Variants in LPP observed in about 807,000 individuals in gnomAD.
The protein encoded by LPP is LIM domain containing preferred translocation partner in lipoma.
In LPP, 38 loss-of-function variants were observed where a neutral mutation model predicts 60.4. The observed-to-expected ratio is 0.63, with a 90% confidence interval of 0.49 to 0.83. LPP has a LOEUF of 0.83. Among genes scored for constraint, LPP ranks in the 40% least tolerant of loss-of-function variants. The pLI is 0.00. For synonymous variants in LPP, 328 were observed against 290.8 expected (o/e 1.13, Z -1.30); for missense variants, 902 against 783.6 (o/e 1.15, Z -1.80).
rs1046518086 is a variant in LPP at position 188,217,980 on chromosome 3, C to A, written c.-189-7425C>A. On this transcript the variant is annotated intron_variant, in intron 1 of 11. Coordinates refer to ENST00000617246, the MANE Select transcript of LPP (RefSeq NM_001375462.1). This position sits in a 1 kb window ranked among gnomAD's most constrained non-coding sequence, Gnocchi z 4.0. ...ATTCTTTCCCACCAAGAATGAGGAA[C>A]GTTCAGAGTGATGCTGACTTTATGG... 6.6e-6 allele frequency among the ~76,000 whole-genome samples: 1 copy of A among 152,154 alleles called. No individual in the cohort carries two copies. Among genetic ancestry groups the A allele is most frequent in the African/African-American group, 2.4e-5 (1 of 41,430 alleles).
chr3:188,687,238 A>G (rs1212746784), intron 7 of LPP, among the ~76,000 whole-genome samples: 1 of 152,162 alleles, frequency 6.6e-6, no homozygotes, highest in African/African-American at 2.4e-5. Flanking sequence ...ATGGAGGCAG[A>G]TTTCCTCTCT....
chr3:188,792,027 A>G (rs1259827524), intron 9 of LPP, among the ~76,000 whole-genome samples: 1 of 152,108 alleles, frequency 6.6e-6, no homozygotes, highest in Non-Finnish European at 1.5e-5. Context: ...ACAGACCCTA[A>G]GGTCTTCTGA....
rs550720368 is a variant in LPP, at chr3:188,324,904, CT to C, written c.-66-16758del. ...CAACCCCATAGAAATCAAGGAGCAT[CT>C]GTAGAAATGTTTGAAAGGCCCTTTC... On this transcript the variant is annotated intron_variant, in intron 2 of 11. Transcript: ENST00000617246. Among the ~76,000 whole-genome samples the C allele has an allele frequency of 1.9e-3, 288 of 152,284 alleles. 4 individuals are homozygous for C. Among genetic ancestry groups the C allele is most frequent in the African/African-American group, 6.6e-3 (275 of 41,556 alleles).
chr3:188,862,898 C>G lies in LPP; in HGVS notation c.1411-3302C>G, dbSNP rs1578039561. On this transcript the variant is annotated intron_variant, in intron 9 of 11. Transcript: ENST00000617246. Reference sequence around the variant, plus strand: ...TTTCAAAACCGATTTATTTGTCAACCATTTCATGTCATGGGTTCAGATGAA... The same window carrying G: ...TTTCAAAACCGATTTATTTGTCAACGATTTCATGTCATGGGTTCAGATGAA... Among the ~76,000 whole-genome samples, 6 of 151,924 alleles carry G rather than the reference C, an allele frequency of 3.9e-5. 2 individuals are homozygous for G. In the Middle Eastern group the frequency reaches 0.017, roughly 431 times the overall value.
At chr3:188,758,474 T>C (rs1731098277) in intron 8 of LPP, among the ~76,000 whole-genome samples, 1 of 152,206 alleles carries the variant, frequency 6.6e-6, no homozygotes, top group Non-Finnish European at 1.5e-5. Context: ...ATATTTCTTA[T>C]TCCTTAGGAA....
chr3:188,275,749 C>G (rs917029631), intron 2 of LPP, among the ~76,000 whole-genome samples: 62 of 152,196 alleles, frequency 4.1e-4, no homozygotes, highest in African/African-American at 1.4e-3. Flanking sequence ...CATCTCGGCT[C>G]ACTGCAACCT....
intron 1 of LPP, among the ~76,000 whole-genome samples, chr3:188,194,542 T>G (rs1007480661): frequency 6.6e-6 from 1 of 152,220 alleles, no homozygotes; most frequent in Non-Finnish European, 1.5e-5. Context: ...CTCAGTGCGA[T>G]GACTCAGGGA....
At chr3:188,459,113 G>T (rs1798412478) in intron 4 of LPP, among the ~76,000 whole-genome samples, 3 of 152,000 alleles carry the variant, frequency 2.0e-5, no homozygotes, top group Admixed American at 6.6e-5. Context: ...GAAGAGTTGT[G>T]GTTTTAATTT....
intron 2 of LPP, among the ~76,000 whole-genome samples, chr3:188,262,626 C>G (rs1577665368): frequency 6.6e-6 from 1 of 151,918 alleles, no homozygotes; most frequent in Non-Finnish European, 1.5e-5. Flanking sequence ...TCATCTCTCT[C>G]TCTCTCTTGT....
intron 3 of LPP, among the ~76,000 whole-genome samples, chr3:188,373,718 C>A (rs1288710565): frequency 6.6e-6 from 1 of 152,116 alleles, no homozygotes; most frequent in African/African-American, 2.4e-5. Flanking sequence ...TTATTTAGAT[C>A]CCATTTGTCA....
At chr3:188,481,206 G>A (rs1304931271) in intron 4 of LPP, among the ~76,000 whole-genome samples, 1 of 152,052 alleles carries the variant, frequency 6.6e-6, no homozygotes, top group Admixed American at 6.5e-5. Context: ...CTCTCCAAGG[G>A]AACCATTTCC....
At chr3:188,581,778 C>T (rs1378046247) in intron 6 of LPP, among the ~76,000 whole-genome samples, 1 of 152,184 alleles carries the variant, frequency 6.6e-6, no homozygotes, top group Non-Finnish European at 1.5e-5. Context: ...ACCCCTCATT[C>T]TTCCAGCACT....
chr3:188,334,070 A>G (rs150762478), intron 2 of LPP, among the ~76,000 whole-genome samples: 1 of 152,086 alleles, frequency 6.6e-6, no homozygotes. Flanking sequence ...TTTACTCTCT[A>G]TGTGATCGAT....
chr3:188,478,862 C>A (rs1338931664), intron 4 of LPP, among the ~76,000 whole-genome samples: 6 of 152,074 alleles, frequency 3.9e-5, no homozygotes, highest in South Asian at 2.1e-4. Flanking sequence ...TCAAGCAATT[C>A]TCTGCCTCAG....
intron 2 of LPP, among the ~76,000 whole-genome samples, chr3:188,252,094 A>G (rs1341964400): frequency 5.4e-5 from 7 of 129,762 alleles, no homozygotes; most frequent in Admixed American, 8.0e-5. Flanking sequence ...ACACACACAT[A>G]TATCAGATTA....
At position 188,474,775 on chromosome 3, in the gene LPP, G is replaced by T. The variant is rs544871501; in HGVS notation, c.194-9817G>T. ...TAAACCGAGGTAATTTTACTTTTTC[G>T]CATTGGAGCTAAAGATATCTCACTA... is the stretch of plus-strand genomic sequence containing the variant. On this transcript the variant is annotated intron_variant, in intron 4 of 11. Coordinates refer to ENST00000617246, the MANE Select transcript of LPP (RefSeq NM_001375462.1). Among the ~76,000 whole-genome samples, 5 of 151,940 alleles carry T rather than the reference G, an allele frequency of 3.3e-5. No homozygotes were observed. The South Asian group carries it at 1.0e-3, about 32-fold the overall frequency.
At chr3:188,405,869 C>A (rs1783342516) in intron 3 of LPP, among the ~76,000 whole-genome samples, 1 of 72,528 alleles carries the variant, frequency 1.4e-5, no homozygotes, top group African/African-American at 3.6e-5. Flanking sequence ...TCTTCCTGCT[C>A]CTCCTCTTTC....
chr3:188,577,692 C>G (rs942106884), intron 6 of LPP, among the ~76,000 whole-genome samples: 1 of 151,658 alleles, frequency 6.6e-6, no homozygotes, highest in Admixed American at 6.6e-5. Context: ...TTCTCCCTCC[C>G]TTCCTTTCTA....
intron 7 of LPP, among the ~76,000 whole-genome samples, chr3:188,671,743 A>G (rs1018807454): frequency 1.3e-5 from 2 of 152,122 alleles, no homozygotes; most frequent in African/African-American, 4.8e-5. Flanking sequence ...TCTCTCCTGA[A>G]AACTATGAGT....
Sources: allele counts gnomAD v4.1 joint callset (sites outside exome capture counted in the v4.1 genomes callset), GRCh38; gene constraint gnomAD v4.1.1; non-coding constraint Gnocchi (gnomAD v3.1); transcripts MANE v1.5; gene names NCBI Gene and HGNC (gene_info 2026-07-23, HGNC 2026-07-21).